The following SPAG16 variants were observed in gnomAD, a reference collection of about 807,000 sequenced individuals.
SPAG16 encodes the protein sperm associated antigen 16, also known as sperm-associated antigen 16 protein.
SPAG16 carries 86 observed loss-of-function variants against 80.4 expected under a neutral mutation model. That is an observed-to-expected ratio of 1.07 (90% CI 0.90 to 1.28). SPAG16 has a LOEUF of 1.28. Among genes scored for constraint, SPAG16 ranks in the 50% most tolerant of loss-of-function variants. SPAG16 has a pLI of 0.00. For synonymous variants in SPAG16, 294 were observed against 265.9 expected (o/e 1.11, Z -1.03); for missense variants, 870 against 765.3 (o/e 1.14, Z -1.61).
intron 10 of SPAG16, among the ~76,000 whole-genome samples, chr2:213,659,332 T>TA (rs1176270395): frequency 0.055 from 7,311 of 133,906 alleles, 568 homozygotes; most frequent in African/African-American, 0.18. Flanking sequence ...CCAATCATCT[T>TA]AAAAAAAAAA....
At chr2:213,932,200 TTG>T (rs1479569992) in intron 12 of SPAG16, among the ~76,000 whole-genome samples, 2 of 124,708 alleles carry the variant, frequency 1.6e-5, no homozygotes, top group African/African-American at 6.5e-5. Flanking sequence ...ATATATATAT[TTG>T]TTGTTGTTGT....
At chr2:213,445,785 T>C (rs1253477149) in intron 9 of SPAG16, among the ~76,000 whole-genome samples, 3 of 152,090 alleles carry the variant, frequency 2.0e-5, no homozygotes, top group Non-Finnish European at 4.4e-5. Flanking sequence ...TTTTATATTA[T>C]CAAAAAGACA....
At chr2:213,698,171 C>A (rs1384570841) in intron 10 of SPAG16, among the ~76,000 whole-genome samples, 1 of 152,132 alleles carries the variant, frequency 6.6e-6, no homozygotes, top group African/African-American at 2.4e-5. Flanking sequence ...TACATATTTG[C>A]TCTCTGACCG....
At chr2:213,492,450 T>C (rs2074291388) in intron 10 of SPAG16, among the ~76,000 whole-genome samples, 1 of 151,934 alleles carries the variant, frequency 6.6e-6, no homozygotes, top group African/African-American at 2.4e-5. Flanking sequence ...CTCGGGAGGC[T>C]GAGGCAGGAG....
intron 10 of SPAG16, among the ~76,000 whole-genome samples, chr2:213,516,068 T>C (rs1407062568): frequency 6.6e-6 from 1 of 152,186 alleles, no homozygotes; most frequent in Non-Finnish European, 1.5e-5. Context: ...GTGATGCCTA[T>C]AAAGCCGGAT....
At chr2:213,526,206 G>T (rs1379165371) in intron 10 of SPAG16, among the ~76,000 whole-genome samples, 2 of 151,790 alleles carry the variant, frequency 1.3e-5, no homozygotes, top group East Asian at 3.9e-4. Flanking sequence ...CTCCCAATTT[G>T]TAATTATATC....
chr2:213,531,062 T>A (rs905448729), intron 10 of SPAG16, among the ~76,000 whole-genome samples: 3 of 152,202 alleles, frequency 2.0e-5, no homozygotes, highest in African/African-American at 7.2e-5. Context: ...TATTGCTGGT[T>A]TTCACATACT....
chr2:213,292,758 C>A (rs529608952), intron 1 of SPAG16, among the ~76,000 whole-genome samples: 1 of 150,856 alleles, frequency 6.6e-6, no homozygotes, highest in Non-Finnish European at 1.5e-5. Context: ...TTTATTTATT[C>A]ATTTTAACAT....
At chr2:213,951,546 AT>A (rs2079781174) in intron 12 of SPAG16, among the ~76,000 whole-genome samples, 2 of 152,208 alleles carry the variant, frequency 1.3e-5, no homozygotes, top group South Asian at 4.1e-4. Context: ...GAAAATATGA[AT>A]AAGAGGCAAA....
chr2:213,889,014 C>T lies in SPAG16; in HGVS notation c.1214+26386C>T, dbSNP rs1384626558. Reference sequence around the variant, plus strand: ...TCATTGTTTACTAGTTTTAAAACACCATAAAATATTTATTAAAAAACCTTT... The same window carrying T: ...TCATTGTTTACTAGTTTTAAAACACTATAAAATATTTATTAAAAAACCTTT... On this transcript the variant is annotated intron_variant, in intron 11 of 15. Transcript: ENST00000331683. Among the ~76,000 whole-genome samples the T allele has an allele frequency of 6.6e-5, 10 of 151,716 alleles. No homozygotes were observed. The South Asian group carries it at 1.5e-3, about 22-fold the overall frequency.
intron 10 of SPAG16, among the ~76,000 whole-genome samples, chr2:213,807,152 C>G (rs1019168707): frequency 3.3e-5 from 5 of 152,134 alleles, no homozygotes; most frequent in African/African-American, 1.2e-4. Flanking sequence ...TGGTCCTAAA[C>G]TCTCAGTATT....
intron 12 of SPAG16, among the ~76,000 whole-genome samples, chr2:213,936,158 C>A (rs888512625): frequency 6.6e-6 from 1 of 152,056 alleles, no homozygotes; most frequent in African/African-American, 2.4e-5. Context: ...ATATTCCAAG[C>A]TCTTCTGATC....
At chr2:213,897,926 T>G (rs1356245035) in intron 11 of SPAG16, among the ~76,000 whole-genome samples, 1 of 152,188 alleles carries the variant, frequency 6.6e-6, no homozygotes, top group East Asian at 1.9e-4. Flanking sequence ...GGTTACTTCT[T>G]TTGTAAAATT....
chr2:213,450,286 A>G (rs911326993), intron 9 of SPAG16, among the ~76,000 whole-genome samples: 5 of 152,380 alleles, frequency 3.3e-5, no homozygotes, highest in African/African-American at 1.2e-4. Flanking sequence ...CCTGGGCGAC[A>G]GAGCCAGACT....
chr2:213,993,855 A>T (rs1018214353), intron 12 of SPAG16, among the ~76,000 whole-genome samples: 3 of 152,210 alleles, frequency 2.0e-5, no homozygotes, highest in African/African-American at 7.2e-5. Flanking sequence ...GGACATATTT[A>T]TCACCCCATA....
chr2:213,449,672 A>T (rs1056599824), intron 9 of SPAG16, among the ~76,000 whole-genome samples: 4 of 152,178 alleles, frequency 2.6e-5, no homozygotes, highest in African/African-American at 9.7e-5. Flanking sequence ...AAGATTGAAA[A>T]ACTACCTATT....
At chr2:213,691,083 A>G (rs2064925011) in intron 10 of SPAG16, among the ~76,000 whole-genome samples, 1 of 152,120 alleles carries the variant, frequency 6.6e-6, no homozygotes, top group African/African-American at 2.4e-5. Flanking sequence ...ACCTCTTAAT[A>G]CTATCACACT....
intron 12 of SPAG16, among the ~76,000 whole-genome samples, chr2:213,984,318 G>A (rs1343268649): frequency 1.3e-5 from 2 of 152,018 alleles, no homozygotes; most frequent in Non-Finnish European, 2.9e-5. Flanking sequence ...CACACACACA[G>A]CCATAGTACA....
At chr2:213,382,139 A>G (rs535645666) in intron 9 of SPAG16, among the ~76,000 whole-genome samples, 1 of 152,304 alleles carries the variant, frequency 6.6e-6, no homozygotes, top group East Asian at 1.9e-4. Flanking sequence ...ACATTGAAAC[A>G]AGAGTGGAAG....
Sources: allele counts gnomAD v4.1 joint callset (sites outside exome capture counted in the v4.1 genomes callset), GRCh38; gene constraint gnomAD v4.1.1; transcripts MANE v1.5; gene names NCBI Gene and HGNC (gene_info 2026-07-23, HGNC 2026-07-21).